Variants in BPNT2 observed in about 807,000 individuals in gnomAD.
The protein encoded by BPNT2 is Golgi-resident adenosine 3',5'-bisphosphate 3'-phosphatase.
In BPNT2, 11 loss-of-function variants were observed where a neutral mutation model predicts 29.3. The observed-to-expected ratio is 0.38, with a 90% CI of 0.24 to 0.62. The LOEUF is 0.62. Among genes scored for constraint, BPNT2 ranks in the 20% least tolerant of loss-of-function variants. The probability of loss-of-function intolerance (pLI) is 0.62; values close to 1 mark genes in which losing one functional copy is unlikely to be tolerated. For synonymous variants in BPNT2, 195 were observed against 187.7 expected (o/e 1.04, Z -0.32); for missense variants, 459 against 473.4 (o/e 0.97, Z 0.28).
At chr8:56,979,966 G>C in intron 2 of BPNT2, 69 bp downstream of exon 2, 1 of 1,422,364 alleles carries the variant, frequency 7.0e-7, no homozygotes, top group South Asian at 1.2e-5. Flanking sequence ...CCTATAGGAA[G>C]TATGCCTTGG....
At chr8:56,979,933 G>T in intron 2 of BPNT2, 102 bp downstream of exon 2, 1 of 1,095,120 alleles carries the variant, frequency 9.1e-7, no homozygotes, top group Non-Finnish European at 1.4e-6. Context: ...CTTCTTTACT[G>T]AACAATCAGT....
At chr8:56,971,788 C>CCCA (rs1554539132) in intron 3 of BPNT2, among the ~76,000 whole-genome samples, 1 of 145,272 alleles carries the variant, frequency 6.9e-6, no homozygotes, top group African/African-American at 2.5e-5. Flanking sequence ...TACCACCCCC[C>CCCA]CCCCCACAAT....
At chr8:56,972,023 A>G (rs1185928052) in intron 3 of BPNT2, among the ~76,000 whole-genome samples, 1 of 148,044 alleles carries the variant, frequency 6.8e-6, no homozygotes, top group African/African-American at 2.5e-5. Context: ...TGAACCTGGG[A>G]GGTGGAGCCT....
At position 56,960,828 on chromosome 8, in the gene BPNT2, T is replaced by C. The variant is rs1363449031; in HGVS notation, c.*2965A>G. ...TGTGGTTTTGAAGGTGATTTTCCTTTACTTTGTGAGGAGTCTTTGTAATCT... is the reference window on the plus strand; with the variant it reads ...TGTGGTTTTGAAGGTGATTTTCCTTCACTTTGTGAGGAGTCTTTGTAATCT... On this transcript the variant is annotated 3_prime_UTR_variant, in exon 5 of 5. Transcript: ENST00000262644. The C allele has an allele frequency of 6.6e-6, 1 of 152,226 alleles. No individual in the cohort carries two copies. The highest frequency in any genetic ancestry group is 1.5e-5 in the Non-Finnish European group (1 of 68,046). 9.4% of individuals were successfully genotyped at this position (152,226 alleles called of 1,614,324 possible).
At position 56,993,453 on chromosome 8, in the gene BPNT2, G is replaced by C; in HGVS notation, c.133C>G (p.Pro45Ala). 6.8e-7 allele frequency: 1 copy of C among 1,475,890 alleles called. No individual in the cohort carries two copies. Among genetic ancestry groups the C allele is most frequent in the Non-Finnish European group, 9.0e-7 (1 of 1,117,200 alleles). The allele number at this position is 1,475,890 out of a possible 1,614,324, so 91.4% of individuals were successfully genotyped here. A position where few individuals can be genotyped will look rare whatever the true frequency, so the allele number is the denominator to read the frequency against. ...GCGGGCCCCGCCGCGCCGCCGCCAG[G>C]CTCGCCGCCCAGGCCGAAGAGGCTG... Reference protein sequence around the residue: ...RFSLFGLGGEPGGGAAGPAAA... With the variant: ...RFSLFGLGGEAGGGAAGPAAA... Residue 45 changes from proline (P) to alanine (A), a missense_variant, in exon 1 of 5, where the codon CCT becomes GCT. Pro to Ala is a conservative substitution (Grantham distance 27). Transcript: ENST00000262644.
intron 1 of BPNT2, among the ~76,000 whole-genome samples, chr8:56,984,075 CT>C (rs1280199797): frequency 6.6e-6 from 1 of 152,252 alleles, no homozygotes; most frequent in Non-Finnish European, 1.5e-5. Context: ...GACGAAGTAG[CT>C]TATGGGCCTT....
In BPNT2 at chr8:56,975,305, T is replaced by C. The variant is rs371740469; in HGVS notation, c.646+2745A>G. Among the ~76,000 whole-genome samples the C allele has an allele frequency of 1.2e-3, 176 of 152,244 alleles. 6 individuals are homozygous for C. In the South Asian group the frequency reaches 0.035, roughly 31 times the overall value. On this transcript the variant is annotated intron_variant, in intron 3 of 4. Coordinates refer to ENST00000262644, the MANE Select transcript of BPNT2 (RefSeq NM_017813.5). The stretch of plus-strand genomic sequence containing the variant: ...CACACCTACGCTTTGGCCTTGTTAG[T>C]TGAGAAAAAGAAACCCTTCTTGAAC...
In BPNT2 at chr8:56,959,595, A is replaced by G. The variant is rs1012632566; in HGVS notation, c.*4198T>C. 6.6e-6 allele frequency: 1 copy of G among 152,212 alleles called. No individual in the cohort carries two copies. Among genetic ancestry groups the G allele is most frequent in the Non-Finnish European group, 1.5e-5 (1 of 68,020 alleles). 9.4% of individuals were successfully genotyped at this position (152,212 alleles called of 1,614,324 possible). A position where few individuals can be genotyped will look rare whatever the true frequency, so the allele number is the denominator to read the frequency against. ...TAGAGGACTAACAGCACACTGAAAT[A>G]ATTTATTTAAAACTAAGATTTGTAA... On this transcript the variant is annotated 3_prime_UTR_variant, in exon 5 of 5. Transcript: ENST00000262644.
Position 56,961,501 on chromosome 8 carries a change from A to G in BPNT2, c.*2292T>C, listed in dbSNP as rs1296482715. On this transcript the variant is annotated 3_prime_UTR_variant, in exon 5 of 5. Coordinates refer to ENST00000262644, the MANE Select transcript of BPNT2 (RefSeq NM_017813.5). ...AAATAATGTATTTAACTCTCAACCA[A>G]TACCTTAAGTTTTGCACACAACACA... 6.6e-6 allele frequency: 1 copy of G among 152,210 alleles called. No homozygotes were observed. The highest frequency in any genetic ancestry group is 1.5e-5 in the Non-Finnish European group (1 of 68,044). 9.4% of individuals were successfully genotyped at this position (152,210 alleles called of 1,614,324 possible). A position where few individuals can be genotyped will look rare whatever the true frequency, so the allele number is the denominator to read the frequency against.
intron 1 of BPNT2, among the ~76,000 whole-genome samples, chr8:56,982,698 T>C (rs1427641173): frequency 1.3e-5 from 2 of 151,812 alleles, no homozygotes; most frequent in East Asian, 3.9e-4. Context: ...AAGAGTGTTG[T>C]TGGAGAGTAG....
At chr8:56,965,480 T>A (rs1324624072) in intron 4 of BPNT2, among the ~76,000 whole-genome samples, 3 of 152,116 alleles carry the variant, frequency 2.0e-5, no homozygotes, top group African/African-American at 7.2e-5. Flanking sequence ...ATAACAGGAG[T>A]TGACAAACAG....
intron 3 of BPNT2, among the ~76,000 whole-genome samples, chr8:56,969,246 C>T (rs755750715): frequency 6.6e-6 from 1 of 152,152 alleles, no homozygotes; most frequent in Non-Finnish European, 1.5e-5. Flanking sequence ...CAGAGTGAAC[C>T]AAAGACTGTA....
intron 1 of BPNT2, among the ~76,000 whole-genome samples, chr8:56,992,312 C>CGAG: frequency 6.6e-6 from 1 of 152,196 alleles, no homozygotes; most frequent in South Asian, 2.1e-4. Context: ...TTAAGATATA[C>CGAG]GTTAATAAGG....
chr8:56,991,983 G>A (rs1305403899), intron 1 of BPNT2, among the ~76,000 whole-genome samples: 1 of 151,840 alleles, frequency 6.6e-6, no homozygotes, highest in Non-Finnish European at 1.5e-5. Context: ...AAATTCTAAC[G>A]TTAATTACAT....
intron 3 of BPNT2, 130 bp from the exon 4 acceptor site, chr8:56,966,482 C>A: frequency 1.2e-6 from 1 of 804,658 alleles, no homozygotes; most frequent in Non-Finnish European, 2.0e-6. Context: ...TGTATTTTCC[C>A]CCAAAACAGA....
chr8:56,975,865 G>A lies in BPNT2; in HGVS notation c.646+2185C>T, dbSNP rs190504251. Among the ~76,000 whole-genome samples the A allele has an allele frequency of 1.6e-3, 243 of 152,234 alleles. 2 individuals carry two copies. Among genetic ancestry groups the A allele is most frequent in the African/African-American group, 5.5e-3 (229 of 41,550 alleles). ...ACTAATTTACATGAATGACCTTGAG[G>A]AAGGTATTAAATTTTTGAGTCTCAT... On this transcript the variant is annotated intron_variant, in intron 3 of 4. Transcript: ENST00000262644.
intron 3 of BPNT2, 88 bp downstream of exon 3, chr8:56,977,962 T>A (rs1806172067): frequency 1.1e-6 from 1 of 871,148 alleles, no homozygotes; most frequent in South Asian, 1.3e-5. Context: ...AATATAGGAG[T>A]GGATACAAAT....
intron 2 of BPNT2, among the ~76,000 whole-genome samples, chr8:56,979,736 G>C (rs1454326418): frequency 6.6e-6 from 1 of 152,190 alleles, no homozygotes; most frequent in East Asian, 1.9e-4. Flanking sequence ...AGGGACAGTA[G>C]TTCTGTTTTG....
chr8:56,980,266 T>C, intron 1 of BPNT2, 69 bp from the exon 2 acceptor site: 1 of 1,261,678 alleles, frequency 7.9e-7, no homozygotes, highest in Non-Finnish European at 1.2e-6. Context: ...ACTACAAAAG[T>C]ATTTCAGACA....
Sources: gnomAD v4.1 joint callset for allele counts (sites outside exome capture counted in the v4.1 genomes callset) on GRCh38, gnomAD v4.1.1 for gene constraint, MANE v1.5 for transcripts, NCBI Gene and HGNC (gene_info 2026-07-23, HGNC 2026-07-21) for gene names.